SOCS7: variants seen among roughly 807,000 people sequenced by gnomAD.
SOCS7 encodes the protein suppressor of cytokine signaling 7.
SOCS7 carries 18 observed loss-of-function variants against 58.9 expected under a neutral mutation model. The ratio of observed to expected loss-of-function variants is 0.31; its 90% CI spans 0.21 to 0.45. The LOEUF (loss-of-function observed/expected upper bound fraction) is 0.45, where lower values mean the gene tolerates loss of function less well. SOCS7 is among the 20% of genes least tolerant of loss of function. The pLI, the probability that SOCS7 is intolerant of heterozygous loss-of-function variation, is 1.00. For synonymous variants in SOCS7, 388 were observed against 364.3 expected (o/e 1.06, Z -0.74); for missense variants, 667 against 837.3 (o/e 0.80, Z 2.51).
rs771926869 is a variant in SOCS7 at position 38,367,879 on chromosome 17, T to C, written c.1384-3T>C. ...CTAGTGGACTGCTTCTTGTCTTTGA[T>C]AGTGTGGTTGGTATTGGGGGCCAAT... On this transcript the variant is annotated splice_polypyrimidine_tract_variant and splice_region_variant and intron_variant, in intron 5 of 9. Coordinates refer to ENST00000612932, the MANE Select transcript of SOCS7 (RefSeq NM_014598.4). The C allele has an allele frequency of 2.5e-6, 4 of 1,613,536 alleles. No homozygotes were observed. Among genetic ancestry groups the C allele is most frequent in the Non-Finnish European group, 3.4e-6 (4 of 1,179,680 alleles).
At chr17:38,376,503 G>A (rs1006076895) in intron 6 of SOCS7, among the ~76,000 whole-genome samples, 2 of 152,082 alleles carry the variant, frequency 1.3e-5, no homozygotes, top group African/African-American at 4.8e-5. Flanking sequence ...AGGCCGAGGC[G>A]AGTGGATCAC....
intron 7 of SOCS7, among the ~76,000 whole-genome samples, chr17:38,380,704 C>G (rs1262234006): frequency 6.7e-6 from 1 of 150,340 alleles, no homozygotes; most frequent in Non-Finnish European, 1.5e-5. Context: ...ACTAAAAATA[C>G]AAAAATTAGC....
chr17:38,364,654 C>T, intron 2 of SOCS7, 98 bp from the exon 3 acceptor site: 4 of 929,704 alleles, frequency 4.3e-6, no homozygotes, highest in South Asian at 1.4e-5. Flanking sequence ...GAGCAGCAGA[C>T]CCCCAGCCTC....
intron 7 of SOCS7, among the ~76,000 whole-genome samples, chr17:38,392,393 C>G (rs971754504): frequency 5.3e-5 from 8 of 152,138 alleles, no homozygotes; most frequent in African/African-American, 1.9e-4. Flanking sequence ...GTATAAATTA[C>G]TTTTATCTCT....
chr17:38,377,629 G>A, intron 6 of SOCS7, 85 bp from the exon 7 acceptor site: 1 of 1,344,612 alleles, frequency 7.4e-7, no homozygotes, highest in South Asian at 1.6e-5. Flanking sequence ...CCAAAAGTGA[G>A]AATCATAGTT....
At chr17:38,366,680 TA>T (rs1555568407) in intron 5 of SOCS7, among the ~76,000 whole-genome samples, 1 of 152,174 alleles carries the variant, frequency 6.6e-6, no homozygotes, top group Non-Finnish European at 1.5e-5. Context: ...ATATTTTTTG[TA>T]GAGACTGGTC....
chr17:38,394,382 G>C (rs1007045487), intron 7 of SOCS7, among the ~76,000 whole-genome samples: 2 of 152,182 alleles, frequency 1.3e-5, no homozygotes, highest in African/African-American at 4.8e-5. Context: ...GGTTATGGGG[G>C]TTGGGTATAA....
chr17:38,352,106 C>T lies in SOCS7; in HGVS notation c.54C>T (p.Tyr18=), dbSNP rs1439635394. 2.5e-5 allele frequency: 18 copies of T among 712,072 alleles called. No homozygotes were observed. The highest frequency in any genetic ancestry group is 3.2e-5 in the Non-Finnish European group (17 of 535,760). 44.1% of individuals were successfully genotyped at this position (712,072 alleles called of 1,614,324 possible). ...DGEAAAAAAS[Y]RVLSRLLGYG... is the part of the protein sequence containing the mutation. ...AGGCGGCGGCGGCGGCCGCTTCGTA[C>T]CGCGTCCTGAGCCGCCTCCTTGGCT... The change falls in exon 1 of 10, where the codon TAC becomes TAT. Residue 18 remains tyrosine, a synonymous_variant. Transcript: ENST00000612932. This position sits in a 1 kb window ranked among gnomAD's most constrained non-coding sequence, Gnocchi z 5.5.
chr17:38,395,002 A>T (rs1352969175), intron 7 of SOCS7, among the ~76,000 whole-genome samples: 3 of 152,154 alleles, frequency 2.0e-5, no homozygotes, highest in Non-Finnish European at 4.4e-5. Context: ...GTGAGCTGAG[A>T]CTGGGCCACT....
rs944440262 is a variant in SOCS7, at chr17:38,404,969, C to G, written c.*5487C>G. 6.6e-6 allele frequency: 1 copy of G among 152,070 alleles called. No homozygotes were observed. The highest frequency in any genetic ancestry group is 1.5e-5 in the Non-Finnish European group (1 of 68,020). 9.4% of individuals were successfully genotyped at this position (152,070 alleles called of 1,614,324 possible). On this transcript the variant is annotated 3_prime_UTR_variant, in exon 10 of 10. Transcript: ENST00000612932. ...ATGAAGAGGGGTGTCATTCTGGGCT[C>G]GGGGTGGTTGCCAATTTTTCACCAG...
chr17:38,388,195 C>T (rs1440024239), intron 7 of SOCS7, among the ~76,000 whole-genome samples: 1 of 152,064 alleles, frequency 6.6e-6, no homozygotes, highest in African/African-American at 2.4e-5. Flanking sequence ...TCCCTTCCTT[C>T]CTTGCTTTTA....
Position 38,387,102 on chromosome 17 carries a change from A to AAT in SOCS7, c.1682-8182_1682-8181dup, listed in dbSNP as rs71368482. The stretch of plus-strand genomic sequence containing the variant: ...TATCTTAAAAAAAAAAAAAAAAAAA[A>AAT]ATATATATATATATATATATATATA... On this transcript the variant is annotated intron_variant, in intron 7 of 9. Coordinates refer to ENST00000612932, the MANE Select transcript of SOCS7 (RefSeq NM_014598.4). 5.4e-3 allele frequency among the ~76,000 whole-genome samples: 276 copies of AAT among 51,100 alleles called. 2 individuals carry two copies. Among genetic ancestry groups the AAT allele is most frequent in the South Asian group, 7.3e-3 (11 of 1,498 alleles). The allele number at this position is 51,100 out of a possible 152,430, so 33.5% of individuals were successfully genotyped here. A position where few individuals can be genotyped will look rare whatever the true frequency, so the allele number is the denominator to read the frequency against.
chr17:38,385,604 T>C (rs1813635097), intron 7 of SOCS7, among the ~76,000 whole-genome samples: 1 of 152,180 alleles, frequency 6.6e-6, no homozygotes, highest in Non-Finnish European at 1.5e-5. Flanking sequence ...GTCTTTATAA[T>C]AATCACTTCC....
Position 38,368,014 on chromosome 17 carries a change from G to T in SOCS7, c.1516G>T (p.Gly506Cys), listed in dbSNP as rs778062040. Reference protein sequence around the residue: ...YILSLSFRSQGITHHTRMEHY... With the variant: ...YILSLSFRSQCITHHTRMEHY... ...CCTGAGCCTCAGTTTCCGATCACAG[G>T]GTATCACCCACCACACTAGAATGGA... Residue 506 changes from glycine to cysteine, a missense_variant, in exon 6 of 10, where the codon GGT (glycine) becomes TGT (cysteine). Physicochemically the swap from Gly to Cys is radical, Grantham distance 159. This residue lies in a region of SOCS7 where 76 missense variants were observed against 194.5 expected (regional missense o/e 0.39). Coordinates refer to ENST00000612932, the MANE Select transcript of SOCS7 (RefSeq NM_014598.4). The T allele has an allele frequency of 6.2e-7, 1 of 1,614,038 alleles. No individual in the cohort carries two copies. The highest frequency in any genetic ancestry group is 1.1e-5 in the South Asian group (1 of 91,072).
chr17:38,395,940 A>C lies in SOCS7; in HGVS notation c.1910A>C (p.Gln637Pro), dbSNP rs1466963430. 1.2e-6 allele frequency: 2 copies of C among 1,611,206 alleles called. No individual in the cohort carries two copies. Among genetic ancestry groups the C allele is most frequent in the Admixed American group, 3.4e-5 (2 of 59,234 alleles). The stretch of plus-strand genomic sequence containing the variant: ...AAGGAAGCGCAGCTCATTTCCAAAC[A>C]GAAGCAAGAGGTGGAACCCTCCACG... ...SLKEAQLISK[Q>P]KQEVEPST Residue 637 changes from glutamine (Q) to proline (P), a missense_variant, in exon 9 of 10, where the codon CAG becomes CCG. Physicochemically the swap from Gln to Pro is moderately conservative, Grantham distance 76. Transcript: ENST00000612932.
Position 38,403,720 on chromosome 17 carries a change from A to T in SOCS7, c.*4238A>T, listed in dbSNP as rs1214964822. The T allele has an allele frequency of 1.3e-5, 2 of 152,086 alleles. No homozygotes were observed. Among genetic ancestry groups the T allele is most frequent in the South Asian group, 4.1e-4 (2 of 4,822 alleles). 9.4% of individuals were successfully genotyped at this position (152,086 alleles called of 1,614,324 possible). ...GCATTTGTTTTCCACTGTTAAGAGA[A>T]TGACACACCCCCTGTCATGTAAGGG... On this transcript the variant is annotated 3_prime_UTR_variant, in exon 10 of 10. Transcript: ENST00000612932.
intron 7 of SOCS7, among the ~76,000 whole-genome samples, chr17:38,389,905 A>ATATATATATG (rs2038145326): frequency 1.4e-4 from 15 of 107,072 alleles, no homozygotes; most frequent in East Asian, 5.0e-4. Flanking sequence ...ATATACACAT[A>ATATATATATG]TAGAGAGAGA....
chr17:38,366,171 C>A, intron 4 of SOCS7, 116 bp from the exon 5 acceptor site: 1 of 1,427,008 alleles, frequency 7.0e-7, no homozygotes. Flanking sequence ...CCCTTTCCAG[C>A]TTAGCTTCTA....
In SOCS7 at chr17:38,400,828, G is replaced by A. The variant is rs780984937; in HGVS notation, c.*1346G>A. ...CCAATGGTCTTTAATGGTTTCTGCA[G>A]CTGGCCATGGCCAATTCATATGACA... On this transcript the variant is annotated 3_prime_UTR_variant, in exon 10 of 10. Coordinates refer to ENST00000612932, the MANE Select transcript of SOCS7 (RefSeq NM_014598.4). 11 of 152,242 alleles carry A rather than the reference G, an allele frequency of 7.2e-5. No individual in the cohort carries two copies. Among genetic ancestry groups the A allele is most frequent in the Non-Finnish European group, 1.3e-4 (9 of 68,046 alleles). 9.4% of individuals were successfully genotyped at this position (152,242 alleles called of 1,614,324 possible).
Sources: allele counts gnomAD v4.1 joint callset (sites outside exome capture counted in the v4.1 genomes callset), GRCh38; gene constraint gnomAD v4.1.1; regional missense constraint gnomAD v4.1.1; non-coding constraint Gnocchi (gnomAD v3.1); transcripts MANE v1.5; gene names NCBI Gene and HGNC (gene_info 2026-07-23, HGNC 2026-07-21).